The following AKT3 variants were observed in gnomAD, a reference collection of about 807,000 sequenced individuals.
AKT3 encodes RAC-gamma serine/threonine-protein kinase.
AKT3 carries 15 observed loss-of-function variants against 65.3 expected under a neutral mutation model. The observed-to-expected ratio is 0.23, with a 90% CI of 0.15 to 0.35. AKT3 has a LOEUF of 0.35. Ranked by LOEUF, AKT3 falls within the 10% of genes least tolerant of loss-of-function variation. AKT3 has a pLI of 1.00. For synonymous variants in AKT3, 206 were observed against 183.8 expected, an observed-to-expected ratio of 1.12 and a Z score of -0.98; for missense variants, 243 against 576.5, an observed-to-expected ratio of 0.42 and a Z score of 5.92.
intron 2 of AKT3, among the ~76,000 whole-genome samples, chr1:243,827,922 C>T (rs988495947): frequency 2.6e-5 from 4 of 152,082 alleles, no homozygotes; most frequent in Non-Finnish European, 5.9e-5. Flanking sequence ...CTGATCAACT[C>T]CTCTTTTACA....
rs540609110 is a variant in AKT3, at chr1:243,729,504, TA to T, written c.47-33789del. 3.5e-3 allele frequency among the ~76,000 whole-genome samples: 534 copies of T among 152,258 alleles called. 2 individuals carry two copies. Among genetic ancestry groups the T allele is most frequent in the African/African-American group, 0.012 (516 of 41,548 alleles). The stretch of plus-strand genomic sequence containing the variant: ...AAAAAATCAAGTACCTCATAGATTA[TA>T]AAGAGACATGAAAGTAACCATATCC... On this transcript the variant is annotated intron_variant, in intron 2 of 13. Coordinates refer to ENST00000673466, the MANE Select transcript of AKT3 (RefSeq NM_005465.7).
intron 3 of AKT3, among the ~76,000 whole-genome samples, chr1:243,691,264 T>C (rs990725147): frequency 6.6e-6 from 1 of 152,134 alleles, no homozygotes; most frequent in Admixed American, 6.5e-5. Context: ...TGATACATAA[T>C]TGTAGAGCAG....
intron 1 of AKT3, among the ~76,000 whole-genome samples, chr1:243,846,207 C>T (rs1359607296): frequency 6.6e-6 from 1 of 152,080 alleles, no homozygotes; most frequent in African/African-American, 2.4e-5. Context: ...AAAATACTGT[C>T]CTCCTTCCCC....
intron 8 of AKT3, among the ~76,000 whole-genome samples, chr1:243,598,452 T>G (rs1676784009): frequency 6.6e-6 from 1 of 152,160 alleles, no homozygotes; most frequent in Non-Finnish European, 1.5e-5. Flanking sequence ...TAAAATGCAT[T>G]AACTCAAACT....
At chr1:243,811,661 GAA>G (rs1297788063) in intron 2 of AKT3, among the ~76,000 whole-genome samples, 1 of 152,004 alleles carries the variant, frequency 6.6e-6, no homozygotes, top group South Asian at 2.1e-4. Flanking sequence ...TACAGAATTG[GAA>G]AAAACTACTT....
At chr1:243,489,273 G>T in intron 13 of AKT3, 1 of 1,244,380 alleles carries the variant, frequency 8.0e-7, no homozygotes, top group Non-Finnish European at 1.1e-6. Context: ...AGGTCCCGAA[G>T]ACTGTGCTGG....
At chr1:243,619,418 T>C (rs1176231816) in intron 6 of AKT3, among the ~76,000 whole-genome samples, 1 of 152,164 alleles carries the variant, frequency 6.6e-6, no homozygotes, top group Non-Finnish European at 1.5e-5. Flanking sequence ...GGTTGTTAAC[T>C]ATAGTCGCCC....
Position 243,638,406 on chromosome 1 carries a change from G to A in AKT3, c.430-664C>T, listed in dbSNP as rs144892160. ...CTTTCTTAAGTCAGGTAATCCTGAGGATTTTGCCAGTCACACGTGCCACTT... is the reference window on the plus strand; with the variant it reads ...CTTTCTTAAGTCAGGTAATCCTGAGAATTTTGCCAGTCACACGTGCCACTT... On this transcript the variant is annotated intron_variant, in intron 5 of 13. Coordinates refer to ENST00000673466, the MANE Select transcript of AKT3 (RefSeq NM_005465.7). Among the ~76,000 whole-genome samples, 9 of 152,166 alleles carry A rather than the reference G, an allele frequency of 5.9e-5. No homozygotes were observed. The East Asian group carries it at 1.7e-3, about 29-fold the overall frequency.
At chr1:243,587,244 A>G (rs1675876765) in intron 8 of AKT3, among the ~76,000 whole-genome samples, 1 of 152,242 alleles carries the variant, frequency 6.6e-6, no homozygotes, top group Non-Finnish European at 1.5e-5. Context: ...CAGTCTTTGC[A>G]AAACAATCTG....
chr1:243,540,187 G>T (rs1441520289), intron 12 of AKT3, among the ~76,000 whole-genome samples: 1 of 152,116 alleles, frequency 6.6e-6, no homozygotes, highest in Admixed American at 6.5e-5. Context: ...ATTTCAGGAT[G>T]CAAATATCCT....
At chr1:243,766,450 C>T (rs1689829961) in intron 2 of AKT3, among the ~76,000 whole-genome samples, 1 of 152,118 alleles carries the variant, frequency 6.6e-6, no homozygotes. Context: ...ATTAAGATTA[C>T]TTTATACACA....
intron 2 of AKT3, among the ~76,000 whole-genome samples, chr1:243,795,450 T>TTG (rs1691902192): frequency 1.8e-5 from 2 of 109,962 alleles, no homozygotes; most frequent in African/African-American, 4.5e-5. Flanking sequence ...GATCTCCTTG[T>TTG]TTTTTTTTTT....
chr1:243,710,615 TAGCGTG>T (rs1186669041), intron 2 of AKT3, among the ~76,000 whole-genome samples: 1 of 152,200 alleles, frequency 6.6e-6, no homozygotes, highest in African/African-American at 2.4e-5. Context: ...TAATATTTAC[TAGCGTG>T]GAATGCCGGA....
At chr1:243,696,664 C>T (rs1227100539) in intron 2 of AKT3, among the ~76,000 whole-genome samples, 1 of 151,894 alleles carries the variant, frequency 6.6e-6, no homozygotes, top group Non-Finnish European at 1.5e-5. Context: ...TTCTTGTGAC[C>T]CAAACTCAAA....
At chr1:243,755,322 G>A (rs968102500) in intron 2 of AKT3, among the ~76,000 whole-genome samples, 2 of 150,618 alleles carry the variant, frequency 1.3e-5, no homozygotes, top group African/African-American at 2.4e-5. Context: ...TGATCTGCCC[G>A]CCTCGGCCAC....
intron 2 of AKT3, among the ~76,000 whole-genome samples, chr1:243,708,589 A>C (rs1011387867): frequency 2.0e-5 from 3 of 152,032 alleles, no homozygotes; most frequent in African/African-American, 7.2e-5. Flanking sequence ...TTTGAAAGGA[A>C]AGATTTTCTT....
chr1:243,594,521 C>A (rs562638330), intron 8 of AKT3, among the ~76,000 whole-genome samples: 1 of 152,282 alleles, frequency 6.6e-6, no homozygotes, highest in African/African-American at 2.4e-5. Flanking sequence ...TAAAGAGAAA[C>A]TCAAAGATCA....
intron 2 of AKT3, among the ~76,000 whole-genome samples, chr1:243,820,672 C>A (rs1693803745): frequency 6.6e-6 from 1 of 152,014 alleles, no homozygotes; most frequent in Non-Finnish European, 1.5e-5. Context: ...TATAAATAGC[C>A]AAAGAGACCA....
intron 12 of AKT3, among the ~76,000 whole-genome samples, chr1:243,526,273 C>G (rs1235193754): frequency 6.6e-6 from 1 of 152,082 alleles, no homozygotes; most frequent in African/African-American, 2.4e-5. Context: ...CGTGTTAATT[C>G]GTACCGCCTG....
Sources: allele counts gnomAD v4.1 joint callset (sites outside exome capture counted in the v4.1 genomes callset), GRCh38; gene constraint gnomAD v4.1.1; transcripts MANE v1.5; gene names NCBI Gene and HGNC (gene_info 2026-07-23, HGNC 2026-07-21).